Variants in MALRD1 observed in about 807,000 individuals in gnomAD.
MALRD1 encodes MAM and LDL receptor class A domain containing 1, also known as MAM and LDL-receptor class A domain-containing protein 1.
In MALRD1, 247 loss-of-function variants were observed where a neutral mutation model predicts 242.1. The ratio of observed to expected loss-of-function variants is 1.02; its 90% CI spans 0.92 to 1.13. The LOEUF is 1.13. MALRD1 is among the 50% of genes most tolerant of loss of function. The pLI is 0.00. For missense variants in MALRD1, 2,989 were observed against 2,533.1 expected, an observed-to-expected ratio of 1.18 and a Z score of -3.86; for synonymous variants, 995 against 866.6, an observed-to-expected ratio of 1.15 and a Z score of -2.60.
chr10:19,636,728 G>A (rs1250632432), intron 36 of MALRD1, among the ~76,000 whole-genome samples: 1 of 151,702 alleles, frequency 6.6e-6, no homozygotes, highest in Admixed American at 6.6e-5. Flanking sequence ...GTGAAACCCC[G>A]TCTCTACTAA....
At chr10:19,240,566 T>G (rs899956609) in intron 18 of MALRD1, among the ~76,000 whole-genome samples, 12 of 152,106 alleles carry the variant, frequency 7.9e-5, no homozygotes, top group African/African-American at 2.2e-4. Context: ...ATTTATTTCT[T>G]TTGTCTAATT....
At position 19,653,208 on chromosome 10, in the gene MALRD1, T is replaced by A. The variant is rs193241264; in HGVS notation, c.6137+37285T>A. Among the ~76,000 whole-genome samples, 81 of 151,858 alleles carry A rather than the reference T, an allele frequency of 5.3e-4. 1 individual carries two copies. The highest frequency in any genetic ancestry group is 1.5e-3 in the South Asian group (7 of 4,816). ...TCTTTTATATTTTATTATTATTATT[T>A]TTTTTTGAGACAGAGTTTCACTCTG... On this transcript the variant is annotated intron_variant, in intron 36 of 39. Coordinates refer to ENST00000454679, the MANE Select transcript of MALRD1 (RefSeq NM_001142308.3).
In MALRD1 at chr10:19,288,191, G is replaced by A. The variant is rs141481441; in HGVS notation, c.3419+5010G>A. On this transcript the variant is annotated intron_variant, in intron 21 of 39. Coordinates refer to ENST00000454679, the MANE Select transcript of MALRD1 (RefSeq NM_001142308.3). Reference sequence around the variant, plus strand: ...TTTAATTTTTGTGGGTACATGGTAGGTGTATATATTTATGGACTGCATAAG... The same window carrying A: ...TTTAATTTTTGTGGGTACATGGTAGATGTATATATTTATGGACTGCATAAG... 5.3e-3 allele frequency among the ~76,000 whole-genome samples: 811 copies of A among 152,010 alleles called. 5 individuals carry two copies. Among genetic ancestry groups the A allele is most frequent in the African/African-American group, 0.019 (777 of 41,474 alleles).
intron 4 of MALRD1, 39 bp downstream of exon 4, chr10:19,088,224 A>G (rs1268006975): frequency 6.5e-6 from 8 of 1,229,780 alleles, no homozygotes; most frequent in Non-Finnish European, 8.1e-6. Flanking sequence ...CCTTGAAGAA[A>G]AATAAGATAC....
intron 33 of MALRD1, among the ~76,000 whole-genome samples, chr10:19,584,291 T>C (rs1468303534): frequency 6.6e-6 from 1 of 152,160 alleles, no homozygotes; most frequent in Non-Finnish European, 1.5e-5. Flanking sequence ...TGCTCTTGCT[T>C]TTCTAGTTCT....
chr10:19,060,944 A>G (rs898294357), intron 1 of MALRD1, among the ~76,000 whole-genome samples: 2 of 152,238 alleles, frequency 1.3e-5, no homozygotes, highest in Non-Finnish European at 2.9e-5. Context: ...AGCCATAAAA[A>G]GGAATGTGAT....
chr10:19,686,820 T>G (rs1043668836), intron 36 of MALRD1, among the ~76,000 whole-genome samples: 1 of 152,140 alleles, frequency 6.6e-6, no homozygotes, highest in Non-Finnish European at 1.5e-5. Context: ...CCACAGCATG[T>G]GCAACATACA....
intron 19 of MALRD1, among the ~76,000 whole-genome samples, chr10:19,266,148 G>T (rs936950638): frequency 1.7e-4 from 25 of 148,268 alleles, no homozygotes; most frequent in Admixed American, 1.4e-3. Context: ...ATTGGATATT[G>T]TTTTTTTTTT....
At chr10:19,444,878 C>A (rs529359053) in intron 28 of MALRD1, among the ~76,000 whole-genome samples, 9 of 152,256 alleles carry the variant, frequency 5.9e-5, no homozygotes, top group East Asian at 1.9e-4. Context: ...TGGGGAAGTT[C>A]TGGATAATAT....
rs1833123770 is a variant in MALRD1 at position 19,692,486 on chromosome 10, A to G, written c.6246A>G (p.Leu2082=). 6.5e-7 allele frequency: 1 copy of G among 1,535,790 alleles called. No homozygotes were observed. Among genetic ancestry groups the G allele is most frequent in the Admixed American group, 2.0e-5 (1 of 50,932 alleles). Residue 2082 remains leucine, a synonymous_variant, in exon 38 of 40, where the codon TTA becomes TTG. Coordinates refer to ENST00000454679, the MANE Select transcript of MALRD1 (RefSeq NM_001142308.3). ...CATGGACTCTCCTGGGTATTGGATT[A>G]GCATTCCTGATGACTCACATCACAG... ...NNTWTLLGIG[L]AFLMTHITVA...
At chr10:19,299,131 T>C (rs900853888) in intron 21 of MALRD1, among the ~76,000 whole-genome samples, 2 of 151,948 alleles carry the variant, frequency 1.3e-5, no homozygotes, top group East Asian at 1.9e-4. Context: ...CAGATAAATG[T>C]ACAAATTAAT....
chr10:19,582,164 C>T (rs897866423), intron 33 of MALRD1, among the ~76,000 whole-genome samples: 3 of 151,954 alleles, frequency 2.0e-5, no homozygotes, highest in East Asian at 1.9e-4. Flanking sequence ...TTCTCCCATT[C>T]TGTAGGTTGC....
intron 33 of MALRD1, among the ~76,000 whole-genome samples, chr10:19,570,826 C>T (rs963640820): frequency 2.6e-5 from 4 of 151,922 alleles, no homozygotes; most frequent in Non-Finnish European, 4.4e-5. Context: ...TTCTTTTCTT[C>T]ATGGTATTTT....
At chr10:19,341,154 C>T (rs1054895231) in intron 24 of MALRD1, among the ~76,000 whole-genome samples, 1 of 151,852 alleles carries the variant, frequency 6.6e-6, no homozygotes, top group Non-Finnish European at 1.5e-5. Flanking sequence ...ACAACTTTCT[C>T]TCTGTTTTTA....
chr10:19,262,625 C>T (rs1839799140), intron 19 of MALRD1, among the ~76,000 whole-genome samples: 1 of 148,010 alleles, frequency 6.8e-6, no homozygotes, highest in Admixed American at 6.8e-5. Context: ...TACTGCACTC[C>T]AGCCTGCGCG....
chr10:19,109,505 G>C (rs1255489489), intron 5 of MALRD1, among the ~76,000 whole-genome samples: 1 of 152,184 alleles, frequency 6.6e-6, no homozygotes. Flanking sequence ...TTGGCCACCG[G>C]GGTTGCAGCA....
chr10:19,397,074 TC>T (rs1219179654), intron 28 of MALRD1, among the ~76,000 whole-genome samples: 1 of 152,194 alleles, frequency 6.6e-6, no homozygotes, highest in Non-Finnish European at 1.5e-5. Context: ...ATCTATAACC[TC>T]AAATATCTGT....
At chr10:19,603,695 A>T (rs952990616) in intron 34 of MALRD1, among the ~76,000 whole-genome samples, 1 of 151,770 alleles carries the variant, frequency 6.6e-6, no homozygotes, top group East Asian at 1.9e-4. Flanking sequence ...TTGGTTTCAT[A>T]TTTTCTAACA....
At position 19,048,911 on chromosome 10, in the gene MALRD1, C is replaced by G; in HGVS notation, c.-28C>G. The G allele has an allele frequency of 8.2e-7, 1 of 1,225,436 alleles. No homozygotes were observed. Among genetic ancestry groups the G allele is most frequent in the Non-Finnish European group, 1.0e-6 (1 of 980,414 alleles). 75.9% of individuals were successfully genotyped at this position (1,225,436 alleles called of 1,614,324 possible). A position where few individuals can be genotyped will look rare whatever the true frequency, so the allele number is the denominator to read the frequency against. ...ATGATGGACTTACTTATTACAACTG[C>G]TTGATCTCTAATAGACAATACCAAG... On this transcript the variant is annotated 5_prime_UTR_variant, in exon 1 of 40. Coordinates refer to ENST00000454679, the MANE Select transcript of MALRD1 (RefSeq NM_001142308.3).
Sources: allele counts gnomAD v4.1 joint callset (sites outside exome capture counted in the v4.1 genomes callset), GRCh38; gene constraint gnomAD v4.1.1; transcripts MANE v1.5; gene names NCBI Gene and HGNC (gene_info 2026-07-23, HGNC 2026-07-21).